Variants in BTBD16 observed in about 807,000 individuals in gnomAD.
The protein encoded by BTBD16 is BTB domain containing 16.
A neutral mutation model predicts 67.4 loss-of-function variants in BTBD16; 66 were observed. The observed-to-expected ratio is 0.98, with a 90% CI of 0.80 to 1.20. The LOEUF (loss-of-function observed/expected upper bound fraction) is 1.20, where lower values mean the gene tolerates loss of function less well. BTBD16 is among the 50% of genes most tolerant of loss of function. The pLI is 0.00. For synonymous variants in BTBD16, 242 were observed against 236.4 expected (o/e 1.02, Z -0.22); for missense variants, 634 against 616.0 (o/e 1.03, Z -0.31).
chr10:122,273,112 T>C (rs1270568708), intron 1 of BTBD16, among the ~76,000 whole-genome samples: 2 of 151,874 alleles, frequency 1.3e-5, no homozygotes, highest in African/African-American at 4.8e-5. Flanking sequence ...ATTGCTGCAA[T>C]TTTGGGGCAA....
At chr10:122,291,278 C>A in intron 7 of BTBD16, 84 bp downstream of exon 7, 2 of 1,512,808 alleles carry the variant, frequency 1.3e-6, no homozygotes, top group Admixed American at 2.0e-5. Flanking sequence ...CTGGAACATT[C>A]CTCTTCATTG....
At chr10:122,294,746 G>A (rs1036316741) in intron 7 of BTBD16, among the ~76,000 whole-genome samples, 6 of 152,206 alleles carry the variant, frequency 3.9e-5, no homozygotes, top group African/African-American at 1.4e-4. Context: ...GGCGAGCCCG[G>A]ATGGCTTTCT....
At chr10:122,318,088 A>G (rs1050167745) in intron 10 of BTBD16, among the ~76,000 whole-genome samples, 4 of 152,152 alleles carry the variant, frequency 2.6e-5, no homozygotes, top group African/African-American at 9.7e-5. Context: ...GTGCTATAGA[A>G]TCACTAGACA....
intron 4 of BTBD16, among the ~76,000 whole-genome samples, chr10:122,285,526 C>G (rs1237537272): frequency 6.6e-6 from 1 of 152,070 alleles, no homozygotes; most frequent in Non-Finnish European, 1.5e-5. Flanking sequence ...CAACAGGGAA[C>G]TGGGGGGTGA....
intron 5 of BTBD16, among the ~76,000 whole-genome samples, chr10:122,288,812 C>T (rs765230669): frequency 1.1e-4 from 16 of 152,068 alleles, no homozygotes; most frequent in Non-Finnish European, 1.6e-4. Flanking sequence ...GAAGGGAGGG[C>T]GGAAGCCCCA....
intron 1 of BTBD16, among the ~76,000 whole-genome samples, chr10:122,272,626 C>T (rs1453063032): frequency 1.3e-5 from 2 of 151,988 alleles, no homozygotes; most frequent in African/African-American, 4.8e-5. Flanking sequence ...CAGGCATGAG[C>T]CACTGGGCCT....
At chr10:122,326,857 C>G (rs10887128) in intron 10 of BTBD16, among the ~76,000 whole-genome samples, 5,956 of 152,208 alleles carry the variant, frequency 0.039, 357 homozygotes, top group East Asian at 0.22. Flanking sequence ...AAGTGCTAAA[C>G]CAAAAGAGGT....
intron 9 of BTBD16, among the ~76,000 whole-genome samples, chr10:122,304,325 C>T (rs758094204): frequency 6.6e-5 from 10 of 152,168 alleles, no homozygotes; most frequent in Non-Finnish European, 1.2e-4. Context: ...TTTAGAGTCA[C>T]GGTTTGTCTT....
chr10:122,332,655 T>C, intron 13 of BTBD16, 142 bp downstream of exon 13: 1 of 1,040,360 alleles, frequency 9.6e-7, no homozygotes, highest in Non-Finnish European at 1.4e-6. Flanking sequence ...GTGTCTCTCC[T>C]GCATGGTCAT....
At chr10:122,284,673 A>ATTTT (rs60823097) in intron 4 of BTBD16, among the ~76,000 whole-genome samples, 3 of 124,694 alleles carry the variant, frequency 2.4e-5, no homozygotes, top group African/African-American at 5.8e-5. Context: ...CTTAAAGTGG[A>ATTTT]TTTTTTTTTT....
At chr10:122,319,683 G>A (rs1295302803) in intron 10 of BTBD16, among the ~76,000 whole-genome samples, 4 of 151,922 alleles carry the variant, frequency 2.6e-5, no homozygotes, top group Non-Finnish European at 4.4e-5. Context: ...TTTTTTCAAA[G>A]TTATTTTGAC....
chr10:122,318,327 T>C lies in BTBD16; in HGVS notation c.911+11019T>C, dbSNP rs116676381. Among the ~76,000 whole-genome samples the C allele has an allele frequency of 3.7e-3, 559 of 152,336 alleles. 6 individuals carry two copies. Among genetic ancestry groups the C allele is most frequent in the African/African-American group, 0.012 (487 of 41,584 alleles). On this transcript the variant is annotated intron_variant, in intron 10 of 15. Coordinates refer to ENST00000260723, the MANE Select transcript of BTBD16 (RefSeq NM_144587.5). ...TTGTTGCATGTATCAGTAGGTCTTT[T>C]TGTTGATTGCTGAGTGATATTCCAT... is the stretch of plus-strand genomic sequence containing the variant.
At chr10:122,297,664 A>C (rs1406063277) in intron 7 of BTBD16, 104 bp from the exon 8 acceptor site, 1 of 1,310,344 alleles carries the variant, frequency 7.6e-7, no homozygotes, top group African/African-American at 1.5e-5. Context: ...CCTTCCGTTC[A>C]AAAGTCTGCT....
chr10:122,273,159 A>G (rs2142037163), intron 1 of BTBD16, among the ~76,000 whole-genome samples: 1 of 151,278 alleles, frequency 6.6e-6, no homozygotes, highest in African/African-American at 2.4e-5. Context: ...GAAGATACAG[A>G]TCTCTGACAT....
chr10:122,271,682 C>G (rs2096328935), intron 1 of BTBD16, among the ~76,000 whole-genome samples, 168 bp downstream of exon 1: 1 of 152,064 alleles, frequency 6.6e-6, no homozygotes, highest in African/African-American at 2.4e-5. Context: ...GCTGAGAGAC[C>G]ATTGTAGGTA....
chr10:122,338,059 T>G lies in BTBD16; in HGVS notation c.1495T>G (p.Phe499Val). 1 of 1,610,694 alleles carries G rather than the reference T, an allele frequency of 6.2e-7. No individual in the cohort carries two copies. The highest frequency in any genetic ancestry group is 8.5e-7 in the Non-Finnish European group (1 of 1,176,904). The change falls in exon 16 of 16, where the codon TTT becomes GTT. Residue 499 changes from phenylalanine to valine, a missense_variant. Phe to Val is a conservative substitution (Grantham distance 50, BLOSUM62 -1). Transcript: ENST00000260723. The part of the protein sequence containing the change: ...QTVGIPIYVS[F>V]AFIFPAS ...TGTGGGCATCCCAATCTATGTAAGT[T>G]TTGCATTCATCTTCCCAGCATCTTG...
chr10:122,329,449 G>C, intron 10 of BTBD16, 31 bp from the exon 11 acceptor site: 1 of 1,607,626 alleles, frequency 6.2e-7, no homozygotes, highest in Non-Finnish European at 8.5e-7. Flanking sequence ...TTTGCTGAAG[G>C]TCTGTTATTC....
chr10:122,337,113 G>A (rs2096464505), intron 15 of BTBD16, among the ~76,000 whole-genome samples: 1 of 152,206 alleles, frequency 6.6e-6, no homozygotes, highest in African/African-American at 2.4e-5. Context: ...CTCAGTAGGT[G>A]GTTGCCAGCA....
intron 10 of BTBD16, among the ~76,000 whole-genome samples, chr10:122,323,321 TA>T (rs1180725547): frequency 6.6e-6 from 1 of 152,196 alleles, no homozygotes; most frequent in Non-Finnish European, 1.5e-5. Context: ...CCTCCAGCCT[TA>T]GGCATTACGG....
Sources: gnomAD v4.1 joint callset for allele counts (sites outside exome capture counted in the v4.1 genomes callset) on GRCh38, gnomAD v4.1.1 for gene constraint, MANE v1.5 for transcripts, NCBI Gene and HGNC (gene_info 2026-07-23, HGNC 2026-07-21) for gene names.